Variants in MTHFD2 observed in about 807,000 individuals in gnomAD.
MTHFD2 encodes bifunctional methylenetetrahydrofolate dehydrogenase/cyclohydrolase, mitochondrial.
MTHFD2 carries 26 observed loss-of-function variants against 36.8 expected under a neutral mutation model. That is an observed-to-expected ratio of 0.71 (90% confidence interval 0.52 to 0.98). MTHFD2 has a LOEUF of 0.98. MTHFD2 is among the 50% of genes least tolerant of loss of function. The probability of loss-of-function intolerance (pLI) is 0.00; values close to 1 mark genes in which losing one functional copy is unlikely to be tolerated. For missense variants in MTHFD2, 373 were observed against 434.0 expected, an observed-to-expected ratio of 0.86 and a Z score of 1.25; for synonymous variants, 164 against 155.2, an observed-to-expected ratio of 1.06 and a Z score of -0.42.
At chr2:74,213,586 G>A (rs962494810) in intron 7 of MTHFD2, among the ~76,000 whole-genome samples, 14 of 151,982 alleles carry the variant, frequency 9.2e-5, no homozygotes, top group Non-Finnish European at 1.6e-4. Flanking sequence ...CACTGTACCC[G>A]GCCTATGCTG....
At chr2:74,210,802 T>TTTTTTTTTTTTTC (rs57479849) in intron 5 of MTHFD2, among the ~76,000 whole-genome samples, 2 of 151,636 alleles carry the variant, frequency 1.3e-5, no homozygotes, top group East Asian at 1.9e-4. Flanking sequence ...TTTTTTTTTT[T>TTTTTTTTTTTTTC]CCTGGAGATG....
chr2:74,210,294 G>A (rs1050823418), intron 5 of MTHFD2, among the ~76,000 whole-genome samples: 1 of 152,210 alleles, frequency 6.6e-6, no homozygotes, highest in African/African-American at 2.4e-5. Context: ...GTATAAGCAT[G>A]GTTGTAGGCA....
rs763944779 is a variant in MTHFD2, at chr2:74,207,826, G to C, written c.409G>C (p.Glu137Gln). 2.5e-6 allele frequency: 4 copies of C among 1,580,732 alleles called. No individual in the cohort carries two copies. Among genetic ancestry groups the C allele is most frequent in the Non-Finnish European group, 3.5e-6 (4 of 1,154,336 alleles). ...DGLLVQLPLP[E>Q]HIDERRICNA... Reference sequence around the variant, plus strand: ...CCTCCTTGTTCAGTTGCCTCTTCCAGGTGAGTTTTGGACTCCATTTAACAT... The same window carrying C: ...CCTCCTTGTTCAGTTGCCTCTTCCACGTGAGTTTTGGACTCCATTTAACAT... The change falls in exon 3 of 8, where the codon GAG (glutamate) becomes CAG (glutamine). Residue 137 changes from glutamate to glutamine, a missense_variant and splice_region_variant. Around this residue, in one of 2 missense-constraint regions of MTHFD2, gnomAD observed 308 missense variants for 397.8 expected, o/e 0.77. Coordinates refer to ENST00000394053, the MANE Select transcript of MTHFD2 (RefSeq NM_006636.4).
intron 6 of MTHFD2, 116 bp from the exon 7 acceptor site, chr2:74,211,625 T>C: frequency 9.6e-7 from 1 of 1,039,208 alleles, no homozygotes; most frequent in South Asian, 2.7e-5. Flanking sequence ...TTTTAACAGG[T>C]TTTAATAAAA....
chr2:74,208,095 A>G (rs1694222498), intron 3 of MTHFD2, among the ~76,000 whole-genome samples: 1 of 152,176 alleles, frequency 6.6e-6, no homozygotes, highest in Non-Finnish European at 1.5e-5. Context: ...TTTCCTAGAA[A>G]TGAAAGTCTG....
intron 5 of MTHFD2, 66 bp downstream of exon 5, chr2:74,210,115 C>T: frequency 7.5e-7 from 1 of 1,329,792 alleles, no homozygotes; most frequent in Non-Finnish European, 1.1e-6. Flanking sequence ...AGAAGCCATC[C>T]TGTGCATGTT....
chr2:74,212,469 T>C (rs1694331394), intron 7 of MTHFD2, among the ~76,000 whole-genome samples: 1 of 151,892 alleles, frequency 6.6e-6, no homozygotes, highest in Non-Finnish European at 1.5e-5. Context: ...GGTTTCACCA[T>C]GTTGGCCAGG....
intron 2 of MTHFD2, among the ~76,000 whole-genome samples, chr2:74,207,435 C>A (rs1401532011): frequency 3.3e-5 from 5 of 152,132 alleles, no homozygotes; most frequent in Non-Finnish European, 2.9e-5. Context: ...GCCTAGCTCG[C>A]TTATTTTTAA....
chr2:74,212,368 C>T (rs1397438562), intron 7 of MTHFD2, among the ~76,000 whole-genome samples: 1 of 147,892 alleles, frequency 6.8e-6, no homozygotes, highest in Non-Finnish European at 1.5e-5. Flanking sequence ...CAGCTTCAAG[C>T]GATTCTTGTG....
intron 5 of MTHFD2, 128 bp from the exon 6 acceptor site, chr2:74,211,071 C>T: frequency 1.6e-6 from 1 of 617,992 alleles, no homozygotes; most frequent in Admixed American, 2.5e-5. Flanking sequence ...AGGCGTGAGC[C>T]ACTGCACCTG....
intron 2 of MTHFD2, 48 bp from the exon 3 acceptor site, chr2:74,207,656 C>T: frequency 1.3e-6 from 2 of 1,551,110 alleles, no homozygotes; most frequent in Non-Finnish European, 1.8e-6. Flanking sequence ...TAGCAGTGCT[C>T]ATTAAATGCC....
chr2:74,207,049 T>C (rs1477848080), intron 2 of MTHFD2, among the ~76,000 whole-genome samples: 3 of 151,366 alleles, frequency 2.0e-5, no homozygotes, highest in Non-Finnish European at 4.4e-5. Context: ...TTTTAAGACA[T>C]TGGGAGGTAG....
rs556511692 is a variant in MTHFD2, at chr2:74,210,868, C to A, written c.671-331C>A. Among the ~76,000 whole-genome samples the A allele has an allele frequency of 4.2e-3, 610 of 145,326 alleles. 6 individuals carry two copies. Among genetic ancestry groups the A allele is most frequent in the African/African-American group, 0.015 (581 of 38,806 alleles). On this transcript the variant is annotated intron_variant, in intron 5 of 7. Transcript: ENST00000394053. ...GTGGCACAATCTTGGCTCACTGCAA[C>A]CTCCACCTTCCAGGTTCAAGTGATT... is the stretch of plus-strand genomic sequence containing the variant.
intron 7 of MTHFD2, among the ~76,000 whole-genome samples, chr2:74,213,268 TC>T (rs1346132878): frequency 2.0e-4 from 25 of 125,942 alleles, no homozygotes; most frequent in African/African-American, 7.8e-4. Context: ...TTTTTTTCTT[TC>T]CTTTTTTTTT....
At chr2:74,200,915 G>A (rs1694027330) in intron 1 of MTHFD2, among the ~76,000 whole-genome samples, 1 of 152,000 alleles carries the variant, frequency 6.6e-6, no homozygotes, top group Non-Finnish European at 1.5e-5. Flanking sequence ...AATTTCTCAT[G>A]GAAAATTACA....
In MTHFD2 at chr2:74,215,190, T is replaced by C. The variant is rs1694406864; in HGVS notation, c.*948T>C. 1 of 152,602 alleles carries C rather than the reference T, an allele frequency of 6.6e-6. No individual in the cohort carries two copies. Among genetic ancestry groups the C allele is most frequent in the African/African-American group, 2.4e-5 (1 of 41,452 alleles). 9.5% of individuals were successfully genotyped at this position (152,602 alleles called of 1,614,324 possible). A position where few individuals can be genotyped will look rare whatever the true frequency, so the allele number is the denominator to read the frequency against. ...TGTATCCTGTTGACTTTTCCAGAAATTTTTTAAGAGTTTGAGTTACTATTG... is the reference window on the plus strand; with the variant it reads ...TGTATCCTGTTGACTTTTCCAGAAACTTTTTAAGAGTTTGAGTTACTATTG... On this transcript the variant is annotated 3_prime_UTR_variant, in exon 8 of 8. Transcript: ENST00000394053.
In MTHFD2 at chr2:74,216,086, C is replaced by T. The variant is rs1333907149; in HGVS notation, c.*1844C>T. On this transcript the variant is annotated 3_prime_UTR_variant, in exon 8 of 8. Coordinates refer to ENST00000394053, the MANE Select transcript of MTHFD2 (RefSeq NM_006636.4). ...AGAAACAATTGAGTTGACCTACCTC[C>T]GTCCTCGTTCTTCTGCCAGCTGGCG... 3 of 152,230 alleles carry T rather than the reference C, an allele frequency of 2.0e-5. No individual in the cohort carries two copies. Among genetic ancestry groups the T allele is most frequent in the Non-Finnish European group, 4.4e-5 (3 of 68,050 alleles). The allele number at this position is 152,230 out of a possible 1,614,324, so 9.4% of individuals were successfully genotyped here. A position where few individuals can be genotyped will look rare whatever the true frequency, so the allele number is the denominator to read the frequency against.
intron 2 of MTHFD2, among the ~76,000 whole-genome samples, chr2:74,206,971 G>A (rs892817121): frequency 1.3e-5 from 2 of 152,176 alleles, no homozygotes; most frequent in East Asian, 1.9e-4. Flanking sequence ...GGTGATCTGC[G>A]CCTGCCTCAG....
At position 74,214,645 on chromosome 2, in the gene MTHFD2, A is replaced by G. The variant is rs1293060208; in HGVS notation, c.*403A>G. The stretch of plus-strand genomic sequence containing the variant: ...CCTTTTGAGTTCAACTGATCAAACC[A>G]AAGGAAAAGTGTTGCTAGAGAAAAT... On this transcript the variant is annotated 3_prime_UTR_variant, in exon 8 of 8. Transcript: ENST00000394053. The G allele has an allele frequency of 6.5e-6, 1 of 153,162 alleles. No homozygotes were observed. The highest frequency in any genetic ancestry group is 1.5e-5 in the Non-Finnish European group (1 of 68,420). 9.5% of individuals were successfully genotyped at this position (153,162 alleles called of 1,614,324 possible).
Sources: gnomAD v4.1 joint callset for allele counts (sites outside exome capture counted in the v4.1 genomes callset) on GRCh38, gnomAD v4.1.1 for gene constraint, gnomAD v4.1.1 regional missense constraint, MANE v1.5 for transcripts, NCBI Gene and HGNC (gene_info 2026-07-23, HGNC 2026-07-21) for gene names.